CCDC141: variants seen among roughly 807,000 people sequenced by gnomAD.
The protein encoded by CCDC141 is coiled-coil domain-containing protein 141.
Under a neutral mutation model 181.0 loss-of-function variants are expected in CCDC141, and 168 were observed. That is an observed-to-expected ratio of 0.93 (90% CI 0.82 to 1.05). CCDC141 has a LOEUF of 1.05. Among genes scored for constraint, CCDC141 ranks in the 50% least tolerant of loss-of-function variants. The pLI is 0.00. For missense variants in CCDC141, 1,902 were observed against 1,788.5 expected, an observed-to-expected ratio of 1.06 and a Z score of -1.14; for synonymous variants, 666 against 642.3, an observed-to-expected ratio of 1.04 and a Z score of -0.56.
intron 2 of CCDC141, among the ~76,000 whole-genome samples, chr2:178,979,228 A>G (rs796102086): frequency 7.2e-5 from 11 of 152,310 alleles, no homozygotes; most frequent in African/African-American, 2.6e-4. Context: ...ATGAAAAGGA[A>G]CATGTGCTTA....
chr2:178,872,016 C>T (rs1457436552), intron 13 of CCDC141, 117 bp downstream of exon 13: 6 of 1,011,502 alleles, frequency 5.9e-6, no homozygotes, highest in Middle Eastern at 2.4e-4. Flanking sequence ...TGGAATCACA[C>T]GATATTTATC....
At chr2:178,931,090 G>T (rs1689080066) in intron 6 of CCDC141, among the ~76,000 whole-genome samples, 2 of 152,048 alleles carry the variant, frequency 1.3e-5, no homozygotes, top group African/African-American at 4.8e-5. Context: ...TTAGTTATTA[G>T]GGAAATGCAA....
chr2:178,843,378 C>G (rs1028775148), intron 22 of CCDC141, among the ~76,000 whole-genome samples: 6 of 152,180 alleles, frequency 3.9e-5, no homozygotes, highest in Admixed American at 3.9e-4. Flanking sequence ...GCATCAAAAG[C>G]CATCATCTTC....
At chr2:178,889,109 C>G (rs1044896296) in intron 8 of CCDC141, among the ~76,000 whole-genome samples, 1 of 151,998 alleles carries the variant, frequency 6.6e-6, no homozygotes, top group African/African-American at 2.4e-5. Context: ...TTACATAACA[C>G]TAAGGTCCTT....
rs1233254171 is a variant in CCDC141, at chr2:178,832,515, A to C, written c.*1658T>G. 1.2e-4 allele frequency: 18 copies of C among 151,698 alleles called. No individual in the cohort carries two copies. Among genetic ancestry groups the C allele is most frequent in the African/African-American group, 4.1e-4 (17 of 41,454 alleles). 9.4% of individuals were successfully genotyped at this position (151,698 alleles called of 1,614,324 possible). A position where few individuals can be genotyped will look rare whatever the true frequency, so the allele number is the denominator to read the frequency against. ...AAACAAAAAAAAGATAGTTAAGAGA[A>C]ATTTCCTAGAATGCTGTGTATACAA... On this transcript the variant is annotated 3_prime_UTR_variant, in exon 24 of 24. Coordinates refer to ENST00000443758, the MANE Select transcript of CCDC141 (RefSeq NM_173648.4).
intron 21 of CCDC141, among the ~76,000 whole-genome samples, chr2:178,848,596 T>C (rs1685035514): frequency 6.6e-6 from 1 of 152,110 alleles, no homozygotes. Context: ...GCCATCAAGG[T>C]AAAAGCTGGA....
intron 2 of CCDC141, among the ~76,000 whole-genome samples, chr2:179,034,479 C>T (rs1022434566): frequency 2.0e-5 from 3 of 152,172 alleles, no homozygotes; most frequent in African/African-American, 4.8e-5. Context: ...CAAACCTGCA[C>T]GTGTACCTCT....
At chr2:178,941,242 A>G (rs1221413371) in intron 6 of CCDC141, among the ~76,000 whole-genome samples, 1 of 152,084 alleles carries the variant, frequency 6.6e-6, no homozygotes, top group Non-Finnish European at 1.5e-5. Flanking sequence ...TATTCCATCC[A>G]TCTGTTCAAA....
intron 11 of CCDC141, among the ~76,000 whole-genome samples, chr2:178,879,217 T>C (rs74712898): frequency 0.072 from 11,035 of 152,274 alleles, 592 homozygotes; most frequent in Admixed American, 0.16. Context: ...TAGAAATTAT[T>C]TGACACAAGT....
chr2:179,032,997 A>ATATATATATATAATATAGAATAT (rs1559061516), intron 2 of CCDC141, among the ~76,000 whole-genome samples: 7 of 145,564 alleles, frequency 4.8e-5, no homozygotes, highest in African/African-American at 1.8e-4. Context: ...TCAGAATATT[A>ATATATATATATAATATAGAATAT]TATATATATA....
chr2:178,973,962 C>T (rs898675931), intron 4 of CCDC141, among the ~76,000 whole-genome samples: 11 of 152,084 alleles, frequency 7.2e-5, no homozygotes, highest in Non-Finnish European at 1.3e-4. Context: ...ACTTTTGATG[C>T]TTTTTATAAT....
chr2:179,015,268 TATATCTCATCTATCTCTC>T (rs1183787316), intron 2 of CCDC141, among the ~76,000 whole-genome samples: 1 of 137,970 alleles, frequency 7.2e-6, no homozygotes, highest in African/African-American at 2.6e-5. Flanking sequence ...ATATATCATA[TATATCTCATCTATCTCTC>T]ATATATCTCA....
intron 20 of CCDC141, among the ~76,000 whole-genome samples, chr2:178,850,946 C>A (rs1042079981): frequency 7.9e-5 from 12 of 152,150 alleles, no homozygotes; most frequent in Admixed American, 2.0e-4. Context: ...TGTCTCGCGC[C>A]TGTAATCCGA....
rs575583072 is a variant in CCDC141, at chr2:178,881,890, GTCTCTC to G, written c.1719+3005_1719+3010del. On this transcript the variant is annotated intron_variant, in intron 11 of 23. Coordinates refer to ENST00000443758, the MANE Select transcript of CCDC141 (RefSeq NM_173648.4). The stretch of plus-strand genomic sequence containing the variant: ...AGCCTGGGTGACAGAGTGAGACCCT[GTCTCTC>G]TCTCTCTCTCTCTCTCTCTCACACA... 1.0e-3 allele frequency among the ~76,000 whole-genome samples: 95 copies of G among 94,602 alleles called. 1 individual carries two copies. Among genetic ancestry groups the G allele is most frequent in the African/African-American group, 3.2e-3 (63 of 19,576 alleles). The allele number at this position is 94,602 out of a possible 152,430, so 62.1% of individuals were successfully genotyped here.
rs1202175651 is a variant in CCDC141 at position 178,832,998 on chromosome 2, G to A, written c.*1175C>T. 2.6e-5 allele frequency: 4 copies of A among 151,976 alleles called. No individual in the cohort carries two copies. Among genetic ancestry groups the A allele is most frequent in the South Asian group, 2.1e-4 (1 of 4,812 alleles). 9.4% of individuals were successfully genotyped at this position (151,976 alleles called of 1,614,324 possible). A position where few individuals can be genotyped will look rare whatever the true frequency, so the allele number is the denominator to read the frequency against. ...AATTCATCTCATACCATTCTATTAC[G>A]TTTCCCCCTAGAACAAACAAAATGT... On this transcript the variant is annotated 3_prime_UTR_variant, in exon 24 of 24. Coordinates refer to ENST00000443758, the MANE Select transcript of CCDC141 (RefSeq NM_173648.4).
intron 2 of CCDC141, among the ~76,000 whole-genome samples, chr2:178,996,983 G>A (rs980949607): frequency 5.3e-5 from 8 of 152,180 alleles, no homozygotes; most frequent in African/African-American, 1.9e-4. Flanking sequence ...AATACTGAAG[G>A]AGACAGGGAC....
At chr2:178,930,837 T>C (rs1219785296) in intron 6 of CCDC141, among the ~76,000 whole-genome samples, 1 of 152,134 alleles carries the variant, frequency 6.6e-6, no homozygotes, top group Admixed American at 6.5e-5. Flanking sequence ...ATACATACAC[T>C]AAAGCCATCA....
intron 7 of CCDC141, among the ~76,000 whole-genome samples, chr2:178,910,662 A>T (rs1259288638): frequency 2.0e-5 from 3 of 152,206 alleles, no homozygotes; most frequent in African/African-American, 7.2e-5. Flanking sequence ...AAATGCCCTG[A>T]AGGCCAGAAT....
intron 2 of CCDC141, among the ~76,000 whole-genome samples, chr2:178,994,498 C>T (rs74522403): frequency 0.052 from 7,949 of 152,242 alleles, 276 homozygotes; most frequent in South Asian, 0.083. Flanking sequence ...GCCTGGCCCC[C>T]GAAACCACTT....
Sources: allele counts gnomAD v4.1 joint callset (sites outside exome capture counted in the v4.1 genomes callset), GRCh38; gene constraint gnomAD v4.1.1; transcripts MANE v1.5; gene names NCBI Gene and HGNC (gene_info 2026-07-23, HGNC 2026-07-21).